Variants in QRICH2 observed in about 807,000 individuals in gnomAD.
QRICH2 encodes the protein glutamine-rich protein 2.
A neutral mutation model predicts 168.3 loss-of-function variants in QRICH2; 119 were observed. That is an observed-to-expected ratio of 0.71 (90% CI 0.61 to 0.82). The LOEUF (loss-of-function observed/expected upper bound fraction) is 0.82, where lower values mean the gene tolerates loss of function less well. QRICH2 is among the 40% of genes least tolerant of loss of function. QRICH2 has a pLI of 0.00. For synonymous variants in QRICH2, 894 were observed against 951.2 expected (o/e 0.94, Z 1.11); for missense variants, 2,241 against 2,491.6 (o/e 0.90, Z 2.14).
intron 17 of QRICH2, among the ~76,000 whole-genome samples, chr17:76,276,269 G>A (rs1242417901): frequency 6.6e-6 from 1 of 152,178 alleles, no homozygotes; most frequent in East Asian, 1.9e-4. Context: ...AATGCATGAT[G>A]GGAAGTGACA....
chr17:76,287,019 C>G (rs1346746927), intron 7 of QRICH2, among the ~76,000 whole-genome samples, 173 bp downstream of exon 7: 2 of 145,922 alleles, frequency 1.4e-5, no homozygotes, highest in Non-Finnish European at 3.0e-5. Flanking sequence ...CACCGCCCCC[C>G]CACCCCCTGC....
Position 76,278,138 on chromosome 17 carries a change from C to G in QRICH2, c.4968G>C (p.Gln1656His). 6.2e-7 allele frequency: 1 copy of G among 1,612,248 alleles called. No homozygotes were observed. The highest frequency in any genetic ancestry group is 8.5e-7 in the Non-Finnish European group (1 of 1,180,034). The change falls in exon 15 of 19, where the codon CAG becomes CAC. Residue 1656 changes from glutamine to histidine, a missense_variant. Gln to His is a conservative substitution (Grantham distance 24). Transcript: ENST00000680821. ...FPRGDLAQME[Q>H]SVGRLRSMHS... ...GCATGGAGCGCAGGCGCCCCACGCT[C>G]TGCTCCATCTGCGCCAGGTCACCCC...
At chr17:76,298,063 G>A (rs1419061852) in intron 3 of QRICH2, among the ~76,000 whole-genome samples, 1 of 150,922 alleles carries the variant, frequency 6.6e-6, no homozygotes, top group Non-Finnish European at 1.5e-5. Flanking sequence ...GTAAAGATGG[G>A]GTTTCACCAT....
chr17:76,296,444 G>C (rs1053755427), intron 3 of QRICH2, among the ~76,000 whole-genome samples: 1 of 152,072 alleles, frequency 6.6e-6, no homozygotes, highest in African/African-American at 2.4e-5. Context: ...ACAGAAGTGA[G>C]CATTCAGGGA....
chr17:76,279,723 G>A (rs1421110523), intron 12 of QRICH2, among the ~76,000 whole-genome samples: 1 of 152,144 alleles, frequency 6.6e-6, no homozygotes, highest in Non-Finnish European at 1.5e-5. Flanking sequence ...CAGGTCCTAT[G>A]GGCCAGGCCC....
In QRICH2 at chr17:76,308,190, C is replaced by T; in HGVS notation, c.-192G>A. 7.1e-6 allele frequency: 7 copies of T among 985,434 alleles called. No homozygotes were observed. The highest frequency in any genetic ancestry group is 8.4e-6 in the Non-Finnish European group (7 of 829,914). The allele number at this position is 985,434 out of a possible 1,614,324, so 61.0% of individuals were successfully genotyped here. ...CGCCTCCGCTCCCCGGCGGGGTCCGCGATGGCCACCCCTCCGCTGTCTGTC... is the reference window on the plus strand; with the variant it reads ...CGCCTCCGCTCCCCGGCGGGGTCCGTGATGGCCACCCCTCCGCTGTCTGTC... On this transcript the variant is annotated 5_prime_UTR_variant, in exon 1 of 19. Coordinates refer to ENST00000680821, the MANE Select transcript of QRICH2 (RefSeq NM_001388453.1).
chr17:76,279,855 G>A (rs1345595631), intron 12 of QRICH2, among the ~76,000 whole-genome samples, 178 bp downstream of exon 12: 1 of 152,204 alleles, frequency 6.6e-6, no homozygotes, highest in Non-Finnish European at 1.5e-5. Flanking sequence ...GTAATACGAA[G>A]GGGCCTGAGC....
At chr17:76,302,215 T>C (rs2070916528) in intron 3 of QRICH2, among the ~76,000 whole-genome samples, 1 of 151,930 alleles carries the variant, frequency 6.6e-6, no homozygotes, top group Non-Finnish European at 1.5e-5. Flanking sequence ...TTATTTATAA[T>C]TCCTGTCATC....
chr17:76,291,514 T>G lies in QRICH2; in HGVS notation c.3213A>C (p.Thr1071=), dbSNP rs1267781154. 1 of 1,613,896 alleles carries G rather than the reference T, an allele frequency of 6.2e-7. No individual in the cohort carries two copies. The highest frequency in any genetic ancestry group is 1.3e-5 in the African/African-American group (1 of 74,886). ...ATGCCACATGCTGTTGATCTGGGTG[T>G]GTAGATCCCAAACCTGTACTCAGTG... ...PIPLSTGLGS[T]HPDQQHVASP... Residue 1071 remains threonine, a synonymous_variant, in exon 4 of 19, where the codon ACA becomes ACC. Transcript: ENST00000680821.
rs750258965 is a variant in QRICH2 at position 76,307,403 on chromosome 17, AGGCCTGGAGGGC to A, written c.534+50_534+61del. ...CCTCCAGGGTGGTGGGGACTCGGCT[AGGCCTGGAGGGC>A]GGCCTGGAGGAGGCAGACGGCCTGC... is the stretch of plus-strand genomic sequence containing the variant. On this transcript the variant is annotated intron_variant, in intron 1 of 18. Transcript: ENST00000680821. This position sits in a 1 kb window ranked among gnomAD's most constrained non-coding sequence, Gnocchi z 5.3. 898 of 1,579,104 alleles carry A rather than the reference AGGCCTGGAGGGC, an allele frequency of 5.7e-4. 1 individual carries two copies. The highest frequency in any genetic ancestry group is 7.4e-4 in the Non-Finnish European group (853 of 1,150,526).
In QRICH2 at chr17:76,296,792, A is replaced by T. The variant is rs558381330; in HGVS notation, c.706-2771T>A. Among the ~76,000 whole-genome samples the T allele has an allele frequency of 2.8e-3, 426 of 151,826 alleles. 16 individuals are homozygous for T. Among genetic ancestry groups the T allele is most frequent in the Admixed American group, 0.027 (403 of 15,198 alleles). ...GGCTCTGTCTCAAAAAAAAAAAAAAAAAAAAATAACCAGAAAGAAGGGAGA... is the reference window on the plus strand; with the variant it reads ...GGCTCTGTCTCAAAAAAAAAAAAAATAAAAAATAACCAGAAAGAAGGGAGA... On this transcript the variant is annotated intron_variant, in intron 3 of 18. Transcript: ENST00000680821.
chr17:76,292,590 A>T lies in QRICH2; in HGVS notation c.2137T>A (p.Ser713Thr), dbSNP rs540343667. ...GCCAAATCACTCTGATCTGCACCAG[A>T]TTGTACCAAACCATGCTGATCTGCA... The part of the protein sequence containing the change: ...PGADQHGLVQ[S>T]GADQSDLAQP... Residue 713 changes from serine to threonine, a missense_variant, in exon 4 of 19, where the codon TCT becomes ACT. Physicochemically the swap from Ser to Thr is moderately conservative, Grantham distance 58. Transcript: ENST00000680821. 5.0e-6 allele frequency: 8 copies of T among 1,609,480 alleles called. No individual in the cohort carries two copies. Among genetic ancestry groups the T allele is most frequent in the Non-Finnish European group, 6.8e-6 (8 of 1,178,650 alleles).
chr17:76,303,215 C>T (rs1275769325), intron 3 of QRICH2, among the ~76,000 whole-genome samples: 1 of 152,072 alleles, frequency 6.6e-6, no homozygotes, highest in Non-Finnish European at 1.5e-5. Context: ...TGCCGCTTTC[C>T]TCTGAGAATG....
intron 3 of QRICH2, among the ~76,000 whole-genome samples, chr17:76,299,625 T>C (rs1368782958): frequency 6.6e-6 from 1 of 151,710 alleles, no homozygotes; most frequent in East Asian, 2.0e-4. Context: ...TAATCTCAGC[T>C]ACTCGGGAGA....
chr17:76,302,888 G>GC (rs1055366063), intron 3 of QRICH2, among the ~76,000 whole-genome samples: 6 of 145,056 alleles, frequency 4.1e-5, no homozygotes, highest in Non-Finnish European at 9.1e-5. Flanking sequence ...ACCTACTTTT[G>GC]TTTTTTTTTT....
chr17:76,299,511 C>T (rs1267169662), intron 3 of QRICH2, among the ~76,000 whole-genome samples: 52 of 151,954 alleles, frequency 3.4e-4, no homozygotes, highest in Non-Finnish European at 8.8e-5. Flanking sequence ...CCGAGGCGGG[C>T]GGATCACCTG....
Position 76,280,015 on chromosome 17 carries a change from CT to C in QRICH2, c.4748+17del, listed in dbSNP as rs1568106461. 2.5e-6 allele frequency: 4 copies of C among 1,593,110 alleles called. No homozygotes were observed. The African/African-American group carries it at 5.4e-5, about 21-fold the overall frequency. Reference sequence around the variant, plus strand: ...CTGAAGAGCGTGCCAGCCTCCTCCCCTGCCTCCCAGGCCTCACCTCCGCATG... The same window carrying C: ...CTGAAGAGCGTGCCAGCCTCCTCCCCGCCTCCCAGGCCTCACCTCCGCATG... On this transcript the variant is annotated intron_variant, in intron 12 of 18. Coordinates refer to ENST00000680821, the MANE Select transcript of QRICH2 (RefSeq NM_001388453.1). This position sits in a 1 kb window ranked among gnomAD's most constrained non-coding sequence, Gnocchi z 7.4.
At chr17:76,289,264 C>A (rs933885708) in intron 5 of QRICH2, among the ~76,000 whole-genome samples, 1 of 152,142 alleles carries the variant, frequency 6.6e-6, no homozygotes, top group African/African-American at 2.4e-5. Context: ...TCATAGCTTA[C>A]TGCAGCCTCA....
rs753896017 is a variant in QRICH2 at position 76,307,207 on chromosome 17, C to A, written c.534+258G>T. ...ACACTTAGGAGGTGGGGTCCCCAGG[C>A]CCCTCCAGCTCGGGGAGGCCCTAGG... On this transcript the variant is annotated intron_variant, in intron 1 of 18. Transcript: ENST00000680821. The surrounding 1 kb of genome is among the most constrained non-coding windows in gnomAD (Gnocchi z 5.3). Among the ~76,000 whole-genome samples the A allele has an allele frequency of 6.6e-6, 1 of 152,146 alleles. No individual in the cohort carries two copies. The highest frequency in any genetic ancestry group is 1.5e-5 in the Non-Finnish European group (1 of 68,016).
Sources: allele counts gnomAD v4.1 joint callset (sites outside exome capture counted in the v4.1 genomes callset), GRCh38; gene constraint gnomAD v4.1.1; non-coding constraint Gnocchi (gnomAD v3.1); transcripts MANE v1.5; gene names NCBI Gene and HGNC (gene_info 2026-07-23, HGNC 2026-07-21).